The following GALNT14 variants were observed in gnomAD, a reference collection of about 807,000 sequenced individuals.
GALNT14 encodes the protein UDP-GalNAc:polypeptide N-acetylgalactosaminyltransferase 14.
Under a neutral mutation model 77.5 loss-of-function variants are expected in GALNT14, and 60 were observed. The ratio of observed to expected loss-of-function variants is 0.77; its 90% CI spans 0.63 to 0.96. The LOEUF (loss-of-function observed/expected upper bound fraction) is 0.96. Ranked by LOEUF, GALNT14 falls within the 40% of genes least tolerant of loss-of-function variation. The pLI is 0.00. For synonymous variants in GALNT14, 280 were observed against 281.7 expected (o/e 0.99, Z 0.06); for missense variants, 710 against 731.0 (o/e 0.97, Z 0.33).
chr2:30,968,502 C>A (rs375375216), intron 2 of GALNT14, among the ~76,000 whole-genome samples: 34 of 152,310 alleles, frequency 2.2e-4, no homozygotes, highest in African/African-American at 7.5e-4. Context: ...TGGGGACACT[C>A]GAGCAGCCCT....
intron 1 of GALNT14, among the ~76,000 whole-genome samples, chr2:31,097,516 C>G (rs1394957574): frequency 2.9e-5 from 3 of 104,858 alleles, no homozygotes. Flanking sequence ...CCCAAATAAA[C>G]AAACAAGCAA....
intron 1 of GALNT14, among the ~76,000 whole-genome samples, chr2:31,101,252 T>G (rs1677261049): frequency 6.6e-6 from 1 of 152,096 alleles, no homozygotes; most frequent in African/African-American, 2.4e-5. Flanking sequence ...AAAACCCTCT[T>G]GATTATGATG....
chr2:30,945,023 T>C lies in GALNT14; in HGVS notation c.743-81A>G, dbSNP rs1387400779. 8.8e-6 allele frequency: 11 copies of C among 1,255,224 alleles called. No individual in the cohort carries two copies. The East Asian group carries it at 2.4e-4, about 27-fold the overall frequency. The allele number at this position is 1,255,224 out of a possible 1,614,324, so 77.8% of individuals were successfully genotyped here. A position where few individuals can be genotyped will look rare whatever the true frequency, so the allele number is the denominator to read the frequency against. ...TGCACCCTCTCCAGAAGGTCATGAA[T>C]GTACCCAGGTCCTGGAGAGGTAGGT... On this transcript the variant is annotated intron_variant, in intron 7 of 14. Coordinates refer to ENST00000349752, the MANE Select transcript of GALNT14 (RefSeq NM_024572.4).
chr2:30,955,557 G>A, intron 6 of GALNT14, 61 bp downstream of exon 6: 1 of 1,587,288 alleles, frequency 6.3e-7, no homozygotes, highest in Non-Finnish European at 8.6e-7. Flanking sequence ...TAATGAGCTT[G>A]AGAGAGAGCC....
At chr2:30,901,689 A>G in the GALNT14 span, among the ~76,000 whole-genome samples, 16 of 151,840 alleles carry the variant, frequency 1.1e-4, no homozygotes, top group Admixed American at 3.9e-4. Flanking sequence ...GTGTATATAT[A>G]TGTGTGTGTG....
chr2:31,109,594 A>G (rs921027044), intron 1 of GALNT14, among the ~76,000 whole-genome samples: 1 of 152,262 alleles, frequency 6.6e-6, no homozygotes, highest in Admixed American at 6.5e-5. Flanking sequence ...ACACACAGAC[A>G]TAGAGACACT....
intron 1 of GALNT14, among the ~76,000 whole-genome samples, chr2:30,995,836 G>GT (rs1168305852): frequency 6.6e-6 from 1 of 152,102 alleles, no homozygotes; most frequent in East Asian, 1.9e-4. Context: ...TATAGTTTAA[G>GT]TTGACACAGA....
intron 2 of GALNT14, among the ~76,000 whole-genome samples, chr2:30,975,579 A>G (rs1458437656): frequency 1.3e-5 from 2 of 152,208 alleles, no homozygotes; most frequent in Non-Finnish European, 2.9e-5. Flanking sequence ...ACTAAAATTA[A>G]TTTCACTTCT....
At position 31,022,771 on chromosome 2, in the gene GALNT14, T is replaced by C. The variant is rs547945991; in HGVS notation, c.130-29764A>G. Among the ~76,000 whole-genome samples, 378 of 152,300 alleles carry C rather than the reference T, an allele frequency of 2.5e-3. 1 individual carries two copies. The highest frequency in any genetic ancestry group is 8.7e-3 in the African/African-American group (361 of 41,566). On this transcript the variant is annotated intron_variant, in intron 1 of 14. Transcript: ENST00000349752. Reference sequence around the variant, plus strand: ...AATTCTAAATAAAAACAATAGGCAATGTTAAACACGACATATGAGTATGCT... The same window carrying C: ...AATTCTAAATAAAAACAATAGGCAACGTTAAACACGACATATGAGTATGCT...
intron 3 of GALNT14, among the ~76,000 whole-genome samples, chr2:30,964,469 G>A (rs978033696): frequency 1.3e-5 from 2 of 152,194 alleles, no homozygotes; most frequent in East Asian, 3.9e-4. Flanking sequence ...AACCAGCCAG[G>A]CGCTTTGTTA....
At chr2:31,130,779 TGTGTGC>T (rs1225065311) in intron 1 of GALNT14, among the ~76,000 whole-genome samples, 19 of 130,114 alleles carry the variant, frequency 1.5e-4, no homozygotes, top group African/African-American at 6.3e-4. Context: ...TGTGTGTGTG[TGTGTGC>T]GCGCGCACCT....
rs530307973 is a variant in GALNT14, at chr2:31,041,204, G to A, written c.130-48197C>T. 1.0e-3 allele frequency among the ~76,000 whole-genome samples: 152 copies of A among 152,270 alleles called. 2 individuals carry two copies. Among genetic ancestry groups the A allele is most frequent in the African/African-American group, 3.4e-3 (142 of 41,554 alleles). Reference sequence around the variant, plus strand: ...AGATGCTAGAAGGCAAAAAGATAAAGGAGAGGATTAAGATAGGACCCAGGG... The same window carrying A: ...AGATGCTAGAAGGCAAAAAGATAAAAGAGAGGATTAAGATAGGACCCAGGG... On this transcript the variant is annotated intron_variant, in intron 1 of 14. Coordinates refer to ENST00000349752, the MANE Select transcript of GALNT14 (RefSeq NM_024572.4).
At chr2:30,946,020 A>T in intron 6 of GALNT14, 150 bp from the exon 7 acceptor site, 1 of 645,070 alleles carries the variant, frequency 1.6e-6, no homozygotes, top group Non-Finnish European at 2.7e-6. Context: ...TTTTCCATCT[A>T]TAAAAGGGGG....
At chr2:30,974,606 C>T (rs1007804600) in intron 2 of GALNT14, among the ~76,000 whole-genome samples, 9 of 152,226 alleles carry the variant, frequency 5.9e-5, no homozygotes, top group African/African-American at 1.2e-4. Context: ...GCACTCTCCT[C>T]GCTTCCAACG....
intron 1 of GALNT14, among the ~76,000 whole-genome samples, chr2:31,089,721 A>G (rs2148596711): frequency 6.6e-6 from 1 of 152,240 alleles, no homozygotes; most frequent in South Asian, 2.1e-4. Flanking sequence ...TTTTTAATGA[A>G]ACAAAAAGCA....
downstream of GALNT14, among the ~76,000 whole-genome samples, chr2:30,909,713 T>G (rs1664252384): frequency 6.6e-6 from 1 of 151,994 alleles, no homozygotes; most frequent in Non-Finnish European, 1.5e-5. Context: ...TTACTGGGTA[T>G]ATACCCAAAG....
intron 1 of GALNT14, among the ~76,000 whole-genome samples, chr2:31,018,982 G>T (rs931547580): frequency 4.6e-5 from 7 of 152,080 alleles, no homozygotes; most frequent in Admixed American, 2.0e-4. Context: ...GCGTGAAGGG[G>T]GCCGGTGATG....
chr2:31,030,690 A>G (rs923684456), intron 1 of GALNT14, among the ~76,000 whole-genome samples: 25 of 152,064 alleles, frequency 1.6e-4, no homozygotes, highest in Admixed American at 2.6e-4. Flanking sequence ...CTTCTCTCCT[A>G]CCTTCCAAAT....
intron 1 of GALNT14, among the ~76,000 whole-genome samples, chr2:31,071,343 A>C (rs921746146): frequency 6.6e-6 from 1 of 152,246 alleles, no homozygotes; most frequent in African/African-American, 2.4e-5. Context: ...GACCTTTTCC[A>C]GCTCTTTTTT....
Sources: allele counts gnomAD v4.1 joint callset (sites outside exome capture counted in the v4.1 genomes callset), GRCh38; gene constraint gnomAD v4.1.1; transcripts MANE v1.5; gene names NCBI Gene and HGNC (gene_info 2026-07-23, HGNC 2026-07-21).